The following VTA1 variants were observed in gnomAD, a reference collection of about 807,000 sequenced individuals.
VTA1 encodes vacuolar protein sorting-associated protein VTA1 homolog.
VTA1 carries 24 observed loss-of-function variants against 36.9 expected under a neutral mutation model. The observed-to-expected ratio is 0.65, with a 90% CI of 0.47 to 0.91. The LOEUF is 0.91. Among genes scored for constraint, VTA1 ranks in the 40% least tolerant of loss-of-function variants. The pLI, the probability that VTA1 is intolerant of heterozygous loss-of-function variation, is 0.00. For missense variants in VTA1, 393 were observed against 377.2 expected (o/e 1.04, Z -0.35); for synonymous variants, 142 against 130.2 (o/e 1.09, Z -0.62).
In VTA1 at chr6:142,185,892, C is replaced by T. The variant is rs188921666; in HGVS notation, c.412-3534C>T. 4.6e-5 allele frequency among the ~76,000 whole-genome samples: 7 copies of T among 152,312 alleles called. No individual in the cohort carries two copies. The East Asian group carries it at 1.2e-3, about 25-fold the overall frequency. On this transcript the variant is annotated intron_variant, in intron 4 of 7. Coordinates refer to ENST00000367630, the MANE Select transcript of VTA1 (RefSeq NM_016485.5). ...GATATGTATACTTCCTGAGCAACTA[C>T]TGCATACTGGTCACAAAGCCAAGTG...
intron 7 of VTA1, among the ~76,000 whole-genome samples, chr6:142,215,317 T>TAC (rs770144452): frequency 4.6e-5 from 7 of 151,840 alleles, no homozygotes; most frequent in Non-Finnish European, 5.9e-5. Context: ...GGTGGGCGCC[T>TAC]GTAGTCCCAG....
chr6:142,170,231 A>T, intron 3 of VTA1, 115 bp from the exon 4 acceptor site: 1 of 714,280 alleles, frequency 1.4e-6, no homozygotes, highest in Non-Finnish European at 2.4e-6. Context: ...TATTTAAAAC[A>T]TGAATTTCAG....
chr6:142,216,454 A>C (rs2114691036), intron 7 of VTA1, among the ~76,000 whole-genome samples: 1 of 152,300 alleles, frequency 6.6e-6, no homozygotes, highest in Admixed American at 6.5e-5. Context: ...ATTGTTGAAA[A>C]TAAATATCTC....
At position 142,176,566 on chromosome 6, in the gene VTA1, A is replaced by C. The variant is rs544752835; in HGVS notation, c.411+6145A>C. Reference sequence around the variant, plus strand: ...TGGCCCCAGATACATAGCCCAGGACAATATTTCTCAAACTCTCTGTGATAA... The same window carrying C: ...TGGCCCCAGATACATAGCCCAGGACCATATTTCTCAAACTCTCTGTGATAA... On this transcript the variant is annotated intron_variant, in intron 4 of 7. Transcript: ENST00000367630. Among the ~76,000 whole-genome samples the C allele has an allele frequency of 3.9e-5, 6 of 152,000 alleles. No individual in the cohort carries two copies. In the East Asian group the frequency reaches 1.2e-3, roughly 29 times the overall value.
chr6:142,205,173 G>A (rs970397420), intron 7 of VTA1, among the ~76,000 whole-genome samples: 2 of 152,142 alleles, frequency 1.3e-5, no homozygotes, highest in African/African-American at 4.8e-5. Flanking sequence ...GCCTTTTAGG[G>A]GTGAGCTGGA....
intron 1 of VTA1, among the ~76,000 whole-genome samples, chr6:142,156,927 G>A (rs1366909702): frequency 1.3e-5 from 2 of 152,142 alleles, no homozygotes; most frequent in African/African-American, 4.8e-5. Context: ...TAGCACTTTG[G>A]GAGGCCCAGG....
chr6:142,198,664 A>C (rs1206644228), intron 6 of VTA1, 49 bp downstream of exon 6: 17 of 1,522,900 alleles, frequency 1.1e-5, no homozygotes, highest in Non-Finnish European at 1.5e-5. Context: ...TTTATAAAGA[A>C]GAACTGCATT....
chr6:142,187,164 C>G (rs1775356799), intron 4 of VTA1, among the ~76,000 whole-genome samples: 2 of 152,144 alleles, frequency 1.3e-5, no homozygotes, highest in African/African-American at 4.8e-5. Flanking sequence ...ATTGCGCCCA[C>G]TATTTTGCAC....
At chr6:142,147,695 G>A (rs1395559145) in intron 1 of VTA1, among the ~76,000 whole-genome samples, 2 of 152,250 alleles carry the variant, frequency 1.3e-5, no homozygotes, top group Non-Finnish European at 2.9e-5. Context: ...ACACACAAGA[G>A]CTTCTTGTCT....
At chr6:142,167,291 C>G (rs1471233832) in intron 2 of VTA1, among the ~76,000 whole-genome samples, 2 of 152,176 alleles carry the variant, frequency 1.3e-5, no homozygotes, top group African/African-American at 4.8e-5. Context: ...AATGAGGACT[C>G]TGTCCTGTAA....
At position 142,210,462 on chromosome 6, in the gene VTA1, G is replaced by A. The variant is rs555235060; in HGVS notation, c.778+6397G>A. On this transcript the variant is annotated intron_variant, in intron 7 of 7. Transcript: ENST00000367630. ...TCCAGCTAAAATGCTTCAGCATGGC[G>A]AAGGAAAAAATCAACAAAGTGAAAA... Among the ~76,000 whole-genome samples, 22 of 152,090 alleles carry A rather than the reference G, an allele frequency of 1.4e-4. 1 individual carries two copies. In the South Asian group the frequency reaches 2.9e-3, roughly 20 times the overall value.
intron 5 of VTA1, among the ~76,000 whole-genome samples, chr6:142,193,844 A>C (rs1458834242): frequency 6.6e-6 from 1 of 152,038 alleles, no homozygotes; most frequent in Admixed American, 6.6e-5. Flanking sequence ...TCAGGGGTAT[A>C]TCAACTCTCC....
chr6:142,162,709 G>T (rs886339579), intron 1 of VTA1, among the ~76,000 whole-genome samples: 2 of 152,092 alleles, frequency 1.3e-5, no homozygotes, highest in Non-Finnish European at 2.9e-5. Context: ...TTTGCCAGAG[G>T]GATGTAATAA....
chr6:142,187,912 C>CTT (rs58131768), intron 4 of VTA1, among the ~76,000 whole-genome samples: 42,881 of 120,462 alleles, frequency 0.36, 8,877 homozygotes, highest in Non-Finnish European at 0.47. Flanking sequence ...TACTTTCTTT[C>CTT]TTTTTTTTTT....
chr6:142,149,192 A>G (rs1446103314), intron 1 of VTA1, among the ~76,000 whole-genome samples: 3 of 152,174 alleles, frequency 2.0e-5, no homozygotes, highest in Non-Finnish European at 4.4e-5. Context: ...TTACGCCTTT[A>G]TCTTGTAGAG....
chr6:142,176,596 T>G (rs1467683671), intron 4 of VTA1, among the ~76,000 whole-genome samples: 3 of 150,528 alleles, frequency 2.0e-5, no homozygotes, highest in African/African-American at 7.5e-5. Context: ...TGATAAAGGT[T>G]CAGCCTTTTT....
rs529520888 is a variant in VTA1, at chr6:142,184,353, CTAAAATGATAAGAT to C, written c.412-5070_412-5057del. ...CTTTTGTAATGACATTTCTTCATCT[CTAAAATGATAAGAT>C]TATAGAATCCCAAGAAAGAAGGATG... is the stretch of plus-strand genomic sequence containing the variant. On this transcript the variant is annotated intron_variant, in intron 4 of 7. Coordinates refer to ENST00000367630, the MANE Select transcript of VTA1 (RefSeq NM_016485.5). Among the ~76,000 whole-genome samples, 1,065 of 152,212 alleles carry C rather than the reference CTAAAATGATAAGAT, an allele frequency of 7.0e-3. 15 individuals are homozygous for C. Among genetic ancestry groups the C allele is most frequent in the African/African-American group, 0.024 (1,015 of 41,524 alleles).
rs760492246 is a variant in VTA1 at position 142,170,397 on chromosome 6, A to C, written c.387A>C (p.Thr129=). The change falls in exon 4 of 8, where the codon ACA becomes ACC. Residue 129 remains threonine (T), a synonymous_variant. Coordinates refer to ENST00000367630, the MANE Select transcript of VTA1 (RefSeq NM_016485.5). ...YTASLLIDVI[T]VFGELTDENV... The stretch of plus-strand genomic sequence containing the variant: ...CAAGTCTTTTGATAGATGTCATAAC[A>C]GTATTTGGAGAACTCACTGATGAAG... The C allele has an allele frequency of 5.0e-6, 8 of 1,605,278 alleles. No homozygotes were observed. The African/African-American group carries it at 1.1e-4, about 21-fold the overall frequency.
intron 4 of VTA1, among the ~76,000 whole-genome samples, chr6:142,187,952 T>C (rs115176547): frequency 1.2e-3 from 170 of 141,842 alleles, no homozygotes; most frequent in Middle Eastern, 4.4e-3. Flanking sequence ...GGTCCGGAGC[T>C]GGGCTGGTGC....
Sources: gnomAD v4.1 joint callset for allele counts (sites outside exome capture counted in the v4.1 genomes callset) on GRCh38, gnomAD v4.1.1 for gene constraint, MANE v1.5 for transcripts, NCBI Gene and HGNC (gene_info 2026-07-23, HGNC 2026-07-21) for gene names.